Variants in ZBTB20 observed in about 807,000 individuals in gnomAD.
The protein encoded by ZBTB20 is zinc finger and BTB domain containing 20.
In ZBTB20, 9 loss-of-function variants were observed where a neutral mutation model predicts 56.9. The ratio of observed to expected loss-of-function variants is 0.16; its 90% confidence interval spans 0.10 to 0.28. The LOEUF (loss-of-function observed/expected upper bound fraction) is 0.28. ZBTB20 is among the 10% of genes least tolerant of loss of function. ZBTB20 has a pLI of 1.00. For missense variants in ZBTB20, 655 were observed against 1,003.0 expected (o/e 0.65, Z 4.69); for synonymous variants, 417 against 420.7 (o/e 0.99, Z 0.11).
At chr3:114,776,772 A>C (rs1019238641) in intron 5 of ZBTB20, among the ~76,000 whole-genome samples, 2 of 152,202 alleles carry the variant, frequency 1.3e-5, no homozygotes, top group Non-Finnish European at 2.9e-5. Context: ...CTTGAAGACA[A>C]AATTCTCTGT....
intron 5 of ZBTB20, among the ~76,000 whole-genome samples, chr3:114,769,260 T>C (rs112577686): frequency 4.7e-4 from 72 of 152,094 alleles, no homozygotes; most frequent in African/African-American, 1.7e-3. Flanking sequence ...GACAAATCAC[T>C]TATAATTGCT....
At chr3:114,794,387 A>C (rs1339348606) in intron 5 of ZBTB20, among the ~76,000 whole-genome samples, 2 of 152,052 alleles carry the variant, frequency 1.3e-5, no homozygotes, top group African/African-American at 4.8e-5. Context: ...CTTTGATCAC[A>C]TATTAGCTGG....
At chr3:114,387,056 C>T (rs1030622021) in intron 8 of ZBTB20, among the ~76,000 whole-genome samples, 1 of 152,120 alleles carries the variant, frequency 6.6e-6, no homozygotes, top group Non-Finnish European at 1.5e-5. Flanking sequence ...AATATACTCA[C>T]CTCTGCCGTG....
intron 7 of ZBTB20, among the ~76,000 whole-genome samples, chr3:114,473,209 C>T (rs1024943161): frequency 2.6e-5 from 4 of 152,170 alleles, no homozygotes; most frequent in Admixed American, 6.5e-5. Flanking sequence ...TCTTCCCTTC[C>T]GTCCTACCCC....
At chr3:114,549,723 A>G (rs546969373) in intron 6 of ZBTB20, among the ~76,000 whole-genome samples, 2 of 148,038 alleles carry the variant, frequency 1.4e-5, no homozygotes, top group African/African-American at 4.9e-5. Context: ...GGCAGAGTTG[A>G]TTTCACAGAG....
chr3:114,683,948 T>C (rs1024074680), intron 6 of ZBTB20, among the ~76,000 whole-genome samples: 1 of 152,150 alleles, frequency 6.6e-6, no homozygotes, highest in African/African-American at 2.4e-5. Context: ...GTGTATAATA[T>C]ACTGTGTAGT....
In ZBTB20 at chr3:114,332,058, G is replaced by GTTTTTTTTT. The variant is rs71146316; in HGVS notation, c.*6938_*6946dup. On this transcript the variant is annotated 3_prime_UTR_variant, in exon 12 of 12. Transcript: ENST00000675478. ...ACTAGTAGAAACAGATGCCCCCAAG[G>GTTTTTTTTT]TTTTTTTTTTTTTTTTTTTTTTTTT... 6 of 85,406 alleles carry GTTTTTTTTT rather than the reference G, an allele frequency of 7.0e-5. No individual in the cohort carries two copies. The highest frequency in any genetic ancestry group is 6.5e-4 in the East Asian group (2 of 3,100). The allele number at this position is 85,406 out of a possible 1,614,324, so 5.3% of individuals were successfully genotyped here.
intron 6 of ZBTB20, among the ~76,000 whole-genome samples, chr3:114,523,282 C>T (rs2046839402): frequency 6.6e-6 from 1 of 152,176 alleles, no homozygotes; most frequent in Non-Finnish European, 1.5e-5. Context: ...GTGACCTTAG[C>T]ATCAACAGTT....
intron 6 of ZBTB20, among the ~76,000 whole-genome samples, chr3:114,585,682 C>T (rs908563239): frequency 6.6e-6 from 1 of 152,172 alleles, no homozygotes; most frequent in African/African-American, 2.4e-5. Flanking sequence ...TTGTATGGGC[C>T]TGGGGCAACC....
At chr3:114,718,374 T>G (rs2064660292) in intron 5 of ZBTB20, among the ~76,000 whole-genome samples, 1 of 152,126 alleles carries the variant, frequency 6.6e-6, no homozygotes, top group Admixed American at 6.6e-5. Flanking sequence ...ACAAGATATA[T>G]TCTAAGTCTA....
chr3:114,737,549 T>C (rs904836963), intron 5 of ZBTB20, among the ~76,000 whole-genome samples: 4 of 152,116 alleles, frequency 2.6e-5, no homozygotes, highest in Non-Finnish European at 5.9e-5. Context: ...AAAACTGCTA[T>C]TCATGGGAAT....
chr3:114,749,539 C>T (rs546722577), intron 5 of ZBTB20, among the ~76,000 whole-genome samples: 4 of 145,086 alleles, frequency 2.8e-5, no homozygotes, highest in East Asian at 4.0e-4. Context: ...GGCAACAGTC[C>T]GTGACTCCAT....
intron 6 of ZBTB20, among the ~76,000 whole-genome samples, chr3:114,685,095 G>C (rs2062247904): frequency 6.6e-6 from 1 of 151,614 alleles, no homozygotes; most frequent in African/African-American, 2.4e-5. Flanking sequence ...TTTCCCATTT[G>C]CTCTCATTTC....
At chr3:114,531,053 TG>T (rs1375273278) in intron 6 of ZBTB20, among the ~76,000 whole-genome samples, 1 of 152,206 alleles carries the variant, frequency 6.6e-6, no homozygotes, top group African/African-American at 2.4e-5. Context: ...TCCCGACTCT[TG>T]ATCTTTAGCC....
intron 1 of ZBTB20, among the ~76,000 whole-genome samples, chr3:115,097,232 G>T (rs2083411136): frequency 6.6e-6 from 1 of 152,198 alleles, no homozygotes; most frequent in South Asian, 2.1e-4. Flanking sequence ...AGGCTGCAGT[G>T]CAGTGGCACG....
chr3:114,837,058 A>G (rs2074156143), intron 4 of ZBTB20, among the ~76,000 whole-genome samples: 1 of 152,042 alleles, frequency 6.6e-6, no homozygotes, highest in Non-Finnish European at 1.5e-5. Context: ...GCCCTGGTCT[A>G]GCTATATTGC....
At chr3:114,899,522 C>T (rs995840899) in intron 4 of ZBTB20, among the ~76,000 whole-genome samples, 5 of 151,206 alleles carry the variant, frequency 3.3e-5, no homozygotes, top group Admixed American at 3.3e-4. Flanking sequence ...CAGTCAACAG[C>T]TACTAAAAAA....
At chr3:114,827,117 A>G (rs138606021) in intron 4 of ZBTB20, among the ~76,000 whole-genome samples, 1,749 of 151,904 alleles carry the variant, frequency 0.012, 16 homozygotes, top group South Asian at 0.041. Context: ...CATGTATTAC[A>G]TAATAGTTGC....
At chr3:114,906,991 T>C (rs1208241882) in intron 3 of ZBTB20, among the ~76,000 whole-genome samples, 1 of 151,872 alleles carries the variant, frequency 6.6e-6, no homozygotes, top group Non-Finnish European at 1.5e-5. Context: ...GCTACTATTA[T>C]AGTTGGAGAA....
Sources: allele counts gnomAD v4.1 joint callset (sites outside exome capture counted in the v4.1 genomes callset), GRCh38; gene constraint gnomAD v4.1.1; transcripts MANE v1.5; gene names NCBI Gene and HGNC (gene_info 2026-07-23, HGNC 2026-07-21).